Variants in FBXL2 observed in about 807,000 individuals in gnomAD.
FBXL2 encodes the protein F-box and leucine rich repeat protein 2, also known as F-box/LRR-repeat protein 2.
Under a neutral mutation model 69.2 loss-of-function variants are expected in FBXL2, and 38 were observed. The ratio of observed to expected loss-of-function variants is 0.55; its 90% CI spans 0.42 to 0.72. The LOEUF (loss-of-function observed/expected upper bound fraction) is 0.72, where lower values mean the gene tolerates loss of function less well. Among genes scored for constraint, FBXL2 ranks in the 30% least tolerant of loss-of-function variants. The pLI is 0.00. For missense variants in FBXL2, 354 were observed against 520.3 expected (o/e 0.68, Z 3.11); for synonymous variants, 192 against 201.3 (o/e 0.95, Z 0.39).
At chr3:33,404,798 A>G (rs2044373214), downstream of FBXL2, among the ~76,000 whole-genome samples, 1 of 152,232 alleles carries the variant, frequency 6.6e-6, no homozygotes, top group Admixed American at 6.5e-5. Context: ...TCACATAAAA[A>G]TGTCCCTGGG....
At chr3:33,313,709 A>G (rs932203469) in intron 2 of FBXL2, among the ~76,000 whole-genome samples, 1 of 151,780 alleles carries the variant, frequency 6.6e-6, no homozygotes, top group African/African-American at 2.4e-5. Context: ...TACCTCCTGA[A>G]CTACTGGGGT....
intron 1 of FBXL2, among the ~76,000 whole-genome samples, chr3:33,294,389 G>T (rs904384889): frequency 1.3e-5 from 2 of 152,126 alleles, no homozygotes; most frequent in Non-Finnish European, 2.9e-5. Context: ...GAGCCACTGT[G>T]CCTGGCCCCA....
At chr3:33,308,100 T>G (rs1302224571) in intron 2 of FBXL2, among the ~76,000 whole-genome samples, 1 of 152,140 alleles carries the variant, frequency 6.6e-6, no homozygotes, top group Non-Finnish European at 1.5e-5. Context: ...GGCCTTGAAC[T>G]CCTCAGCTCA....
At chr3:33,365,585 T>C (rs2041900187) in intron 5 of FBXL2, among the ~76,000 whole-genome samples, 1 of 152,142 alleles carries the variant, frequency 6.6e-6, no homozygotes, top group African/African-American at 2.4e-5. Flanking sequence ...GGGAATGTTA[T>C]CAATGCTAAG....
chr3:33,346,698 A>C (rs1415511320), intron 2 of FBXL2, among the ~76,000 whole-genome samples: 2 of 152,214 alleles, frequency 1.3e-5, no homozygotes, highest in African/African-American at 4.8e-5. Flanking sequence ...CTAATCCTTT[A>C]GTCAGACTAA....
At chr3:33,330,124 A>G (rs967001347) in intron 2 of FBXL2, among the ~76,000 whole-genome samples, 7 of 152,022 alleles carry the variant, frequency 4.6e-5, no homozygotes, top group Non-Finnish European at 8.8e-5. Flanking sequence ...CTCTAGAAAA[A>G]AATTTTAAAT....
intron 1 of FBXL2, among the ~76,000 whole-genome samples, chr3:33,296,129 G>C (rs1471728286): frequency 6.6e-6 from 1 of 152,100 alleles, no homozygotes; most frequent in Non-Finnish European, 1.5e-5. Context: ...GCAGTGGCGT[G>C]ATCTTGGCTC....
chr3:33,411,502 G>A, the FBXL2 span: 1 of 1,190,804 alleles, frequency 8.4e-7, no homozygotes, highest in African/African-American at 1.5e-5. Context: ...TAAAGGAAAT[G>A]ATACTGTATC....
chr3:33,299,027 T>TTTATTTA (rs1553634500), intron 2 of FBXL2, among the ~76,000 whole-genome samples: 6 of 146,090 alleles, frequency 4.1e-5, no homozygotes, highest in African/African-American at 1.6e-4. Flanking sequence ...ATTTTTTTAA[T>TTTATTTA]TTTATTTATT....
chr3:33,375,542 G>T, intron 10 of FBXL2, 124 bp downstream of exon 10: 1 of 1,114,568 alleles, frequency 9.0e-7, no homozygotes. Context: ...TGTTGTTGTT[G>T]GCTTTTGTTG....
At chr3:33,324,933 G>A (rs922902990) in intron 2 of FBXL2, among the ~76,000 whole-genome samples, 2 of 152,170 alleles carry the variant, frequency 1.3e-5, no homozygotes, top group African/African-American at 4.8e-5. Flanking sequence ...TCCTATCCAT[G>A]AGCATGGAAT....
intron 2 of FBXL2, among the ~76,000 whole-genome samples, chr3:33,356,412 G>A (rs1256163532): frequency 3.3e-5 from 5 of 151,944 alleles, no homozygotes; most frequent in African/African-American, 9.7e-5. Flanking sequence ...GTGCAGTGGC[G>A]GATCTCGGCT....
intron 1 of FBXL2, among the ~76,000 whole-genome samples, chr3:33,279,632 G>A (rs547090058): frequency 3.3e-5 from 5 of 152,208 alleles, no homozygotes; most frequent in East Asian, 3.9e-4. Flanking sequence ...AACTTTAGCC[G>A]TTGATATAAA....
chr3:33,283,438 G>A (rs183551583), intron 1 of FBXL2, among the ~76,000 whole-genome samples: 10 of 152,186 alleles, frequency 6.6e-5, no homozygotes, highest in African/African-American at 2.4e-4. Context: ...TGTGCTGCTG[G>A]ATTCAGTTTG....
chr3:33,308,050 T>A (rs887228024), intron 2 of FBXL2, among the ~76,000 whole-genome samples: 1 of 152,138 alleles, frequency 6.6e-6, no homozygotes, highest in African/African-American at 2.4e-5. Flanking sequence ...TTTTTGTTTG[T>A]TTGTTTGTTG....
chr3:33,408,637 T>C, downstream of FBXL2: 5 of 1,509,948 alleles, frequency 3.3e-6, no homozygotes, highest in Non-Finnish European at 4.5e-6. Context: ...GTCCTATATC[T>C]AACACTGCAC....
chr3:33,359,076 G>A (rs1421728701), intron 3 of FBXL2, 55 bp downstream of exon 3: 1 of 1,218,732 alleles, frequency 8.2e-7, no homozygotes, highest in Non-Finnish European at 1.1e-6. Flanking sequence ...ATTAGAATGA[G>A]TTTTAGTTCA....
chr3:33,408,641 A>G, downstream of FBXL2: 2 of 1,524,888 alleles, frequency 1.3e-6, no homozygotes, highest in Admixed American at 2.0e-5. Context: ...TATATCTAAC[A>G]CTGCACAAGG....
rs2041929990 is a variant in FBXL2, at chr3:33,365,986, T to C, written c.290+1267T>C. Among the ~76,000 whole-genome samples the C allele has an allele frequency of 3.3e-5, 5 of 152,208 alleles. No homozygotes were observed. The South Asian group carries it at 1.0e-3, about 32-fold the overall frequency. On this transcript the variant is annotated intron_variant, in intron 5 of 14. Transcript: ENST00000484457. ...CATACAGTGAATGCAGACAGTAGAA[T>C]TTATAATTCAAACATCTGCTATACC...
Sources: allele counts gnomAD v4.1 joint callset (sites outside exome capture counted in the v4.1 genomes callset), GRCh38; gene constraint gnomAD v4.1.1; transcripts MANE v1.5; gene names NCBI Gene and HGNC (gene_info 2026-07-23, HGNC 2026-07-21).